The following KANSL1L variants were observed in gnomAD, a reference collection of about 807,000 sequenced individuals.
KANSL1L encodes the protein KAT8 regulatory NSL complex subunit 1-like protein.
A neutral mutation model predicts 108.6 loss-of-function variants in KANSL1L; 25 were observed. The observed-to-expected ratio is 0.23, with a 90% CI of 0.17 to 0.32. The LOEUF (loss-of-function observed/expected upper bound fraction) is 0.32. Among genes scored for constraint, KANSL1L ranks in the 10% least tolerant of loss-of-function variants. The probability of loss-of-function intolerance (pLI) is 1.00; values close to 1 mark genes in which losing one functional copy is unlikely to be tolerated. For synonymous variants in KANSL1L, 405 were observed against 395.1 expected (o/e 1.03, Z -0.30); for missense variants, 1,137 against 1,125.7 (o/e 1.01, Z -0.14).
chr2:210,170,766 G>A (rs1233149678), intron 1 of KANSL1L: 4 of 152,308 alleles, frequency 2.6e-5, no homozygotes, highest in South Asian at 2.1e-4. Flanking sequence ...GATGAGGCAA[G>A]AGGCGGGTCC....
chr2:210,098,254 G>A, intron 4 of KANSL1L, 47 bp from the exon 5 acceptor site: 1 of 1,588,102 alleles, frequency 6.3e-7, no homozygotes, highest in Non-Finnish European at 8.6e-7. Context: ...CAAGAAATGT[G>A]AGTTAAAGCT....
chr2:210,054,742 A>G (rs571208107), intron 6 of KANSL1L, among the ~76,000 whole-genome samples: 12 of 152,154 alleles, frequency 7.9e-5, no homozygotes, highest in African/African-American at 2.4e-4. Context: ...AAAGAAATAA[A>G]AAGGGAAGAA....
At chr2:210,064,164 C>T (rs923905645) in intron 6 of KANSL1L, 1 of 152,212 alleles carries the variant, frequency 6.6e-6, no homozygotes, top group Non-Finnish European at 1.5e-5. Context: ...CTTGCTCCTC[C>T]TTGCCTTCCA....
intron 1 of KANSL1L, among the ~76,000 whole-genome samples, chr2:210,158,797 T>C (rs138428087): frequency 2.3e-3 from 355 of 152,120 alleles, no homozygotes; most frequent in African/African-American, 8.0e-3. Context: ...TAAAAAAGAT[T>C]AAATTATGTT....
intron 5 of KANSL1L, chr2:210,088,462 G>A (rs2094660395): frequency 6.6e-6 from 1 of 152,226 alleles, no homozygotes; most frequent in South Asian, 2.1e-4. Context: ...ACAGAAAGAG[G>A]TTCTTGCAGC....
intron 1 of KANSL1L, among the ~76,000 whole-genome samples, chr2:210,157,085 T>C (rs2095337919): frequency 6.6e-6 from 1 of 152,180 alleles, no homozygotes. Context: ...GGAAATTTCT[T>C]CCAAGATTCA....
intron 6 of KANSL1L, among the ~76,000 whole-genome samples, chr2:210,064,885 TA>T (rs948064027): frequency 2.2e-5 from 3 of 133,870 alleles, no homozygotes; most frequent in Non-Finnish European, 4.8e-5. Context: ...AAAAGTGGAG[TA>T]TAGAAGGAGT....
intron 3 of KANSL1L, among the ~76,000 whole-genome samples, chr2:210,110,104 A>C (rs2094889699): frequency 6.6e-6 from 1 of 152,170 alleles, no homozygotes; most frequent in Non-Finnish European, 1.5e-5. Context: ...TCTCTGATGC[A>C]TTCTCAAAGG....
chr2:210,161,515 C>G (rs921311394), intron 1 of KANSL1L, among the ~76,000 whole-genome samples: 2 of 152,080 alleles, frequency 1.3e-5, no homozygotes, highest in African/African-American at 4.8e-5. Context: ...CTGCTTTAGG[C>G]AAAGCTTTTT....
intron 5 of KANSL1L, among the ~76,000 whole-genome samples, chr2:210,077,731 G>T (rs1227942255): frequency 6.6e-6 from 1 of 152,194 alleles, no homozygotes; most frequent in Non-Finnish European, 1.5e-5. Flanking sequence ...CAGAGCCTGA[G>T]ACCTACTTAA....
At chr2:210,151,729 A>G (rs1426922686) in intron 2 of KANSL1L, 3 of 152,244 alleles carry the variant, frequency 2.0e-5, no homozygotes, top group Non-Finnish European at 4.4e-5. Context: ...GAGATATCAT[A>G]TGTTAAATAA....
intron 1 of KANSL1L, among the ~76,000 whole-genome samples, chr2:210,159,431 A>G (rs1031417271): frequency 5.3e-5 from 8 of 152,080 alleles, no homozygotes; most frequent in Non-Finnish European, 1.2e-4. Flanking sequence ...ATTCCCTTAC[A>G]CTGCTTTATT....
intron 1 of KANSL1L, among the ~76,000 whole-genome samples, chr2:210,157,200 G>A (rs781634298): frequency 3.9e-5 from 6 of 152,108 alleles, no homozygotes; most frequent in Middle Eastern, 3.4e-3. Flanking sequence ...CTTTAATCAC[G>A]CTTCTTGTTG....
Position 210,027,355 on chromosome 2 carries a change from TGAA to T in KANSL1L, c.2397-8_2397-6del. On this transcript the variant is annotated splice_region_variant and splice_polypyrimidine_tract_variant and intron_variant, in intron 11 of 14. Transcript: ENST00000281772. ...TGAAGAACAACCATCCTCCAGCTGT[TGAA>T]GATAAAAACCAATTTTAAACAGCTT... 1 of 1,611,314 alleles carries T rather than the reference TGAA, an allele frequency of 6.2e-7. No homozygotes were observed. Among genetic ancestry groups the T allele is most frequent in the East Asian group, 2.2e-5 (1 of 44,784 alleles).
upstream of KANSL1L, among the ~76,000 whole-genome samples, chr2:210,172,398 G>A (rs1304964255): frequency 6.6e-6 from 1 of 152,142 alleles, no homozygotes; most frequent in Non-Finnish European, 1.5e-5. Context: ...TCCCGGGGGC[G>A]GAAGAGGGGA....
At chr2:210,131,142 G>C (rs2095116415) in intron 2 of KANSL1L, among the ~76,000 whole-genome samples, 2 of 152,138 alleles carry the variant, frequency 1.3e-5, no homozygotes, top group South Asian at 4.1e-4. Context: ...CTACAAGATG[G>C]AGGAGGAGAA....
chr2:210,136,693 C>G (rs1034989465), intron 2 of KANSL1L, among the ~76,000 whole-genome samples: 2 of 152,100 alleles, frequency 1.3e-5, no homozygotes, highest in Non-Finnish European at 2.9e-5. Context: ...AATTACAAAC[C>G]TACATCTGCT....
At chr2:210,101,279 A>G (rs2094791609) in intron 4 of KANSL1L, among the ~76,000 whole-genome samples, 3 of 152,178 alleles carry the variant, frequency 2.0e-5, no homozygotes, top group Non-Finnish European at 2.9e-5. Context: ...CACTGTCTTT[A>G]AATTCATAAC....
intron 3 of KANSL1L, among the ~76,000 whole-genome samples, chr2:210,112,968 G>A (rs2094922940): frequency 6.6e-6 from 1 of 152,138 alleles, no homozygotes; most frequent in Non-Finnish European, 1.5e-5. Context: ...TAGTCCCATG[G>A]CAGGCAGCCA....
Sources: allele counts gnomAD v4.1 joint callset (sites outside exome capture counted in the v4.1 genomes callset), GRCh38; gene constraint gnomAD v4.1.1; transcripts MANE v1.5; gene names NCBI Gene and HGNC (gene_info 2026-07-23, HGNC 2026-07-21).